ERI1: variants seen among roughly 807,000 people sequenced by gnomAD.
ERI1 encodes exoribonuclease 1.
ERI1 carries 39 observed loss-of-function variants against 39.7 expected under a neutral mutation model. The observed-to-expected ratio is 0.98, with a 90% CI of 0.76 to 1.28. The LOEUF (loss-of-function observed/expected upper bound fraction) is 1.28, where lower values mean the gene tolerates loss of function less well. ERI1 is among the 50% of genes most tolerant of loss of function. The pLI is 0.00. For missense variants in ERI1, 581 were observed against 416.9 expected (o/e 1.39, Z -3.43); for synonymous variants, 204 against 149.6 (o/e 1.36, Z -2.65).
chr8:9,028,928 A>C (rs1033511905), intron 6 of ERI1, among the ~76,000 whole-genome samples: 5 of 150,842 alleles, frequency 3.3e-5, no homozygotes, highest in African/African-American at 1.2e-4. Flanking sequence ...CCAGCCAATA[A>C]TTCTTAAAAG....
Position 9,030,526 on chromosome 8 carries a change from C to G in ERI1, c.*492C>G, listed in dbSNP as rs1187223239. On this transcript the variant is annotated 3_prime_UTR_variant, in exon 7 of 7. Transcript: ENST00000250263. ...TTTCAAAGTTTATATGTGAAGTTCA[C>G]CATGTATGTGGTGAATTTCGTAAGG... 2 of 158,662 alleles carry G rather than the reference C, an allele frequency of 1.3e-5. No homozygotes were observed. The highest frequency in any genetic ancestry group is 4.8e-5 in the African/African-American group (2 of 41,454). The allele number at this position is 158,662 out of a possible 1,614,324, so 9.8% of individuals were successfully genotyped here. A position where few individuals can be genotyped will look rare whatever the true frequency, so the allele number is the denominator to read the frequency against.
intron 1 of ERI1, chr8:9,004,036 A>C: frequency 7.9e-7 from 1 of 1,271,374 alleles, no homozygotes; most frequent in Non-Finnish European, 1.0e-6. Flanking sequence ...CTCCCTTGGT[A>C]ATTGCATCTC....
intron 3 of ERI1, among the ~76,000 whole-genome samples, chr8:9,075,261 G>A (rs555631777): frequency 5.6e-4 from 85 of 152,274 alleles, no homozygotes; most frequent in African/African-American, 1.6e-3. Flanking sequence ...GGTGAAATGC[G>A]TTCCCACACA....
chr8:9,016,104 T>A (rs1483635072), intron 3 of ERI1, among the ~76,000 whole-genome samples: 1 of 152,236 alleles, frequency 6.6e-6, no homozygotes, highest in Non-Finnish European at 1.5e-5. Flanking sequence ...TTTCACACAC[T>A]CACTTTATCG....
At chr8:9,044,237 C>T (rs1296777626) in intron 3 of ERI1, among the ~76,000 whole-genome samples, 1 of 152,166 alleles carries the variant, frequency 6.6e-6, no homozygotes, top group Non-Finnish European at 1.5e-5. Context: ...GAAAGGATGT[C>T]CTTGTTAGCA....
chr8:9,014,852 T>G (rs546470973), intron 3 of ERI1, among the ~76,000 whole-genome samples: 10 of 152,300 alleles, frequency 6.6e-5, no homozygotes, highest in Non-Finnish European at 1.0e-4. Flanking sequence ...GTTTTGTTTT[T>G]TTTGAGATGG....
In ERI1 at chr8:9,011,671, T is replaced by G; in HGVS notation, c.417T>G (p.Cys139Trp). The G allele has an allele frequency of 1.1e-5, 18 of 1,613,746 alleles. No individual in the cohort carries two copies. The highest frequency in any genetic ancestry group is 1.4e-5 in the Non-Finnish European group (17 of 1,179,732). ...GTATTATTGACTTTGAAGCCACTTG[T>G]GAAGAAGGAAACCCACCTGAGTTTG... is the stretch of plus-strand genomic sequence containing the variant. ...YICIIDFEAT[C>W]EEGNPPEFVH... The change falls in exon 3 of 7, where the codon TGT becomes TGG. Residue 139 changes from cysteine (C) to tryptophan (W), a missense_variant. Transcript: ENST00000250263.
Position 9,029,813 on chromosome 8 carries a change from C to G in ERI1, c.829C>G (p.Leu277Val), listed in dbSNP as rs572969343. ...FYKVPRSQTK[L>V]TIMLEKLGMD... ...TCAGGTTCCTAGAAGCCAAACCAAA[C>G]TGACAATAATGCTTGAAAAATTAGG... Residue 277 changes from leucine (L) to valine (V), a missense_variant, in exon 7 of 7, where the codon CTG (leucine) becomes GTG (valine). Transcript: ENST00000250263. 29 of 1,614,134 alleles carry G rather than the reference C, an allele frequency of 1.8e-5. No individual in the cohort carries two copies. The South Asian group carries it at 3.1e-4, about 17-fold the overall frequency.
intron 3 of ERI1, among the ~76,000 whole-genome samples, chr8:9,054,226 C>T (rs1052716694): frequency 6.6e-6 from 1 of 152,218 alleles, no homozygotes; most frequent in Non-Finnish European, 1.5e-5. Context: ...ATTTTGGACT[C>T]ATGGCAGGCT....
chr8:9,090,370 G>T (rs184815383), intron 3 of ERI1, among the ~76,000 whole-genome samples: 1 of 152,242 alleles, frequency 6.6e-6, no homozygotes, highest in Non-Finnish European at 1.5e-5. Flanking sequence ...CTCATTGGTT[G>T]ACCCAATCAT....
rs775861118 is a variant in ERI1 at position 9,018,346 on chromosome 8, TTGAC to T, written c.635_638del (p.Asp212GlyfsTer2). 6.2e-6 allele frequency: 10 copies of T among 1,612,608 alleles called. No homozygotes were observed. The African/African-American group carries it at 8.0e-5, about 13-fold the overall frequency. ...TTCCCTCAGGTACTAAAAAAAGTAA[TTGAC>T]TGGATGAAATTGAAGGAATTAGGAA... is the stretch of plus-strand genomic sequence containing the variant. On this transcript the variant is annotated frameshift_variant, in exon 5 of 7. Coordinates refer to ENST00000250263, the MANE Select transcript of ERI1 (RefSeq NM_153332.4). LOFTEE classifies it high-confidence loss of function.
intron 3 of ERI1, among the ~76,000 whole-genome samples, chr8:9,041,660 A>G (rs904713123): frequency 6.6e-6 from 1 of 152,248 alleles, no homozygotes; most frequent in African/African-American, 2.4e-5. Context: ...ACAGTGTACC[A>G]AAACCTATGA....
At position 9,020,462 on chromosome 8, in the gene ERI1, A is replaced by G. The variant is rs1487543483; in HGVS notation, c.805A>G (p.Lys269Glu). 1 of 1,572,136 alleles carries G rather than the reference A, an allele frequency of 6.4e-7. No homozygotes were observed. Among genetic ancestry groups the G allele is most frequent in the Non-Finnish European group, 8.7e-7 (1 of 1,152,302 alleles). Residue 269 changes from lysine (K) to glutamate (E), a missense_variant and splice_region_variant, in exon 6 of 7, where the codon AAG (lysine) becomes GAG (glutamate). By Grantham distance (56) the Lys-to-Glu change is moderately conservative. Coordinates refer to ENST00000250263, the MANE Select transcript of ERI1 (RefSeq NM_153332.4). ...NIRKSYGNFY[K>E]VPRSQTKLTI... ...TCGGAAGTCATATGGAAATTTTTAC[A>G]AGGTAAAATTTCTATATTTAATAAT... is the stretch of plus-strand genomic sequence containing the variant.
intron 3 of ERI1, among the ~76,000 whole-genome samples, chr8:9,097,789 G>A (rs1373424254): frequency 6.6e-6 from 1 of 151,852 alleles, no homozygotes; most frequent in Non-Finnish European, 1.5e-5. Context: ...TAAAGAATGT[G>A]GATTTTATTC....
At chr8:9,057,464 C>A (rs1798545735) in intron 3 of ERI1, among the ~76,000 whole-genome samples, 1 of 152,102 alleles carries the variant, frequency 6.6e-6, no homozygotes, top group South Asian at 2.1e-4. Context: ...GCTCACAGAC[C>A]CAATCACTTT....
intron 3 of ERI1, among the ~76,000 whole-genome samples, chr8:9,095,491 G>GTTTGT (rs111235056): frequency 5.3e-5 from 8 of 149,540 alleles, no homozygotes; most frequent in African/African-American, 7.4e-5. Context: ...TTTTGTTGTT[G>GTTTGT]TTGTTTGTTT....
Position 9,076,148 on chromosome 8 carries a change from T to C in ERI1, n.300-40200T>C, listed in dbSNP as rs544804706. On this transcript the variant is annotated intron_variant and non_coding_transcript_variant, in intron 3 of 3. Transcript: ENST00000518663. ...TTTGTAGAGACGAGGGCTCACTTAT[T>C]GCCCAAGCTGGTCTCAAACCCCTGG... is the stretch of plus-strand genomic sequence containing the variant. Among the ~76,000 whole-genome samples the C allele has an allele frequency of 5.3e-5, 8 of 152,276 alleles. No individual in the cohort carries two copies. In the South Asian group the frequency reaches 1.5e-3, roughly 28 times the overall value.
intron 3 of ERI1, among the ~76,000 whole-genome samples, chr8:9,068,124 C>G (rs1254028201): frequency 6.6e-6 from 1 of 152,094 alleles, no homozygotes; most frequent in Non-Finnish European, 1.5e-5. Context: ...TTGCTTTTCT[C>G]CTTAGCCCTT....
At chr8:9,034,611 C>T (rs886076180), downstream of ERI1, among the ~76,000 whole-genome samples, 8 of 151,984 alleles carry the variant, frequency 5.3e-5, no homozygotes, top group Non-Finnish European at 1.0e-4. Flanking sequence ...TGATAAATGT[C>T]TGTGTTTTCC....
Sources: gnomAD v4.1 joint callset for allele counts (sites outside exome capture counted in the v4.1 genomes callset) on GRCh38, gnomAD v4.1.1 for gene constraint, MANE v1.5 for transcripts, NCBI Gene and HGNC (gene_info 2026-07-23, HGNC 2026-07-21) for gene names.